Variants in ARRDC5 observed in about 807,000 individuals in gnomAD.
The protein encoded by ARRDC5 is arrestin domain containing 5, also known as arrestin domain-containing protein 5.
In ARRDC5, 12 loss-of-function variants were observed where a neutral mutation model predicts 13.3. The ratio of observed to expected loss-of-function variants is 0.90; its 90% CI spans 0.58 to 1.46. The LOEUF is 1.46. Among genes scored for constraint, ARRDC5 ranks in the 40% most tolerant of loss-of-function variants. The probability of loss-of-function intolerance (pLI) is 0.00; values close to 1 mark genes in which losing one functional copy is unlikely to be tolerated. For missense variants in ARRDC5, 406 were observed against 418.7 expected, an observed-to-expected ratio of 0.97 and a Z score of 0.26; for synonymous variants, 181 against 173.4, an observed-to-expected ratio of 1.04 and a Z score of -0.34.
At chr19:4,900,513 A>AAT (rs1381557319) in intron 1 of ARRDC5, among the ~76,000 whole-genome samples, 2 of 152,154 alleles carry the variant, frequency 1.3e-5, no homozygotes, top group African/African-American at 2.4e-5. Context: ...CAATCTTATG[A>AAT]AATAGGACCT....
At chr19:4,894,490 G>A (rs1276052568) in intron 2 of ARRDC5, among the ~76,000 whole-genome samples, 2 of 102,698 alleles carry the variant, frequency 1.9e-5, no homozygotes, top group African/African-American at 8.2e-5. Context: ...CAGCCTGGGC[G>A]ACAGAGCGAG....
At chr19:4,909,979 C>T in the ARRDC5 span, among the ~76,000 whole-genome samples, 1 of 151,002 alleles carries the variant, frequency 6.6e-6, no homozygotes, top group Non-Finnish European at 1.5e-5. Flanking sequence ...CGCGCCCGAG[C>T]CCGATTTCGC....
At chr19:4,901,852 C>T (rs2031927003) in intron 1 of ARRDC5, among the ~76,000 whole-genome samples, 2 of 151,940 alleles carry the variant, frequency 1.3e-5, no homozygotes, top group Admixed American at 6.6e-5. Flanking sequence ...ACTAGTTATT[C>T]CTTCTCTGGA....
At chr19:4,904,525 G>A (rs1268262711), upstream of ARRDC5, among the ~76,000 whole-genome samples, 1 of 152,120 alleles carries the variant, frequency 6.6e-6, no homozygotes, top group East Asian at 1.9e-4. Context: ...ATCTTGGCCA[G>A]GCTGATCTTG....
chr19:4,916,633 C>T, the ARRDC5 span, among the ~76,000 whole-genome samples: 19 of 152,018 alleles, frequency 1.2e-4, no homozygotes, highest in African/African-American at 1.9e-4. Flanking sequence ...CTCGCGGCGC[C>T]GTCCACGCCA....
chr19:4,893,213 T>C (rs1474301801), intron 2 of ARRDC5, among the ~76,000 whole-genome samples: 3 of 120,158 alleles, frequency 2.5e-5, no homozygotes, highest in Non-Finnish European at 5.2e-5. Flanking sequence ...ATATATATAT[T>C]ATATATATAT....
intron 2 of ARRDC5, among the ~76,000 whole-genome samples, chr19:4,896,427 A>G (rs2031737316): frequency 6.9e-6 from 1 of 145,822 alleles, no homozygotes; most frequent in Non-Finnish European, 1.5e-5. Flanking sequence ...TTTATTTTAG[A>G]GACAGGGTCT....
intron 1 of ARRDC5, among the ~76,000 whole-genome samples, chr19:4,897,869 C>T (rs1376103189): frequency 6.6e-6 from 1 of 152,190 alleles, no homozygotes; most frequent in Non-Finnish European, 1.5e-5. Context: ...GGCGGATCAC[C>T]TGAGGTCAGG....
At chr19:4,915,249 G>T in the ARRDC5 span, among the ~76,000 whole-genome samples, 2 of 152,098 alleles carry the variant, frequency 1.3e-5, no homozygotes, top group Admixed American at 1.3e-4. Context: ...GGGAGGGAGG[G>T]TCCCCACCAC....
At chr19:4,909,531 T>A in the ARRDC5 span, 1 of 659,276 alleles carries the variant, frequency 1.5e-6, no homozygotes, top group Non-Finnish European at 2.7e-6. Flanking sequence ...GGGCAGCGTT[T>A]GCCGAGCGGG....
chr19:4,902,815 A>G lies in ARRDC5; in HGVS notation c.11T>C (p.Val4Ala). Residue 4 changes from valine (V) to alanine (A), a missense_variant, in exon 1 of 3, where the codon GTG (valine) becomes GCG (alanine). Coordinates refer to ENST00000650722, the MANE Select transcript of ARRDC5 (RefSeq NM_001080523.3). MSV[V>A]KSIELVLPED... ...GGGCAGCACTAATTCGATCGACTTCACCACAGACATGGGGGGTTGGGGGGT... is the reference window on the plus strand; with the variant it reads ...GGGCAGCACTAATTCGATCGACTTCGCCACAGACATGGGGGGTTGGGGGGT... The G allele has an allele frequency of 6.2e-7, 1 of 1,613,738 alleles. No individual in the cohort carries two copies. The highest frequency in any genetic ancestry group is 8.5e-7 in the Non-Finnish European group (1 of 1,179,848).
At chr19:4,892,551 G>C (rs1005994434) in intron 2 of ARRDC5, among the ~76,000 whole-genome samples, 2 of 150,662 alleles carry the variant, frequency 1.3e-5, no homozygotes, top group Admixed American at 6.6e-5. Context: ...TTGAAAGAAG[G>C]TCTCACTATG....
Position 4,902,681 on chromosome 19 carries a change from A to G in ARRDC5, c.145T>C (p.Tyr49His), listed in dbSNP as rs372978396. The change falls in exon 1 of 3, where the codon TAC becomes CAC. Residue 49 changes from tyrosine (Y) to histidine (H), a missense_variant. Tyr to His is a moderately conservative substitution (Grantham distance 83). Transcript: ENST00000650722. ...CCGGCTTCTTCACTCCATTCGACGT[A>G]ACCCCTTCCCACGAGCTCCACCTTC... is the stretch of plus-strand genomic sequence containing the variant. Reference protein sequence around the residue: ...IVKVELVGRGYVEWSEEAGAS... With the variant: ...IVKVELVGRGHVEWSEEAGAS... 379 of 1,614,006 alleles carry G rather than the reference A, an allele frequency of 2.3e-4. 2 individuals carry two copies. In the South Asian group the frequency reaches 3.9e-3, roughly 17 times the overall value.
At chr19:4,896,443 T>C (rs1320074137) in intron 2 of ARRDC5, among the ~76,000 whole-genome samples, 1 of 150,394 alleles carries the variant, frequency 6.6e-6, no homozygotes, top group Non-Finnish European at 1.5e-5. Context: ...GGTCTCACTC[T>C]GTCGCCCAGG....
chr19:4,909,376 G>A, the ARRDC5 span: 1 of 609,522 alleles, frequency 1.6e-6, no homozygotes, highest in Admixed American at 2.7e-5. Context: ...AGGCGGGGGC[G>A]CCCCCCACCC....
Position 4,891,566 on chromosome 19 carries a change from A to G in ARRDC5, c.467T>C (p.Leu156Ser). 1 of 1,611,068 alleles carries G rather than the reference A, an allele frequency of 6.2e-7. No individual in the cohort carries two copies. The highest frequency in any genetic ancestry group is 1.3e-5 in the African/African-American group (1 of 75,016). The stretch of plus-strand genomic sequence containing the variant: ...GACTTTCTCCTCAGCCTCCACGAAC[A>G]AGGGGTTCTAGGAGGATGTGGGGGA... ...FHKETPFQNP[L>S]FVEAEEKVSY... The change falls in exon 3 of 3, where the codon TTG becomes TCG. Residue 156 changes from leucine to serine, a missense_variant. Leu to Ser is a moderately radical substitution (Grantham distance 145, BLOSUM62 -2). Coordinates refer to ENST00000650722, the MANE Select transcript of ARRDC5 (RefSeq NM_001080523.3).
chr19:4,914,372 T>G, the ARRDC5 span, among the ~76,000 whole-genome samples: 1 of 152,174 alleles, frequency 6.6e-6, no homozygotes, highest in Non-Finnish European at 1.5e-5. Context: ...GTTGTCCTTA[T>G]AGAATGTTCT....
upstream of ARRDC5, among the ~76,000 whole-genome samples, chr19:4,904,165 T>C (rs1394314007): frequency 6.6e-6 from 1 of 151,062 alleles, no homozygotes; most frequent in African/African-American, 2.4e-5. Context: ...CTAATTTTTG[T>C]TCTTTTTGTT....
At chr19:4,898,934 G>A (rs905729674) in intron 1 of ARRDC5, among the ~76,000 whole-genome samples, 8 of 151,932 alleles carry the variant, frequency 5.3e-5, no homozygotes, top group African/African-American at 1.7e-4. Flanking sequence ...CCCAGGCTGT[G>A]TTTTTTTCAT....
Sources: gnomAD v4.1 joint callset for allele counts (sites outside exome capture counted in the v4.1 genomes callset) on GRCh38, gnomAD v4.1.1 for gene constraint, MANE v1.5 for transcripts, NCBI Gene and HGNC (gene_info 2026-07-23, HGNC 2026-07-21) for gene names.